Variants in TTLL5 observed in about 807,000 individuals in gnomAD.
TTLL5 encodes the protein tubulin polyglutamylase TTLL5.
Under a neutral mutation model 168.4 loss-of-function variants are expected in TTLL5, and 132 were observed. The ratio of observed to expected loss-of-function variants is 0.78; its 90% CI spans 0.68 to 0.91. TTLL5 has a LOEUF of 0.91. Ranked by LOEUF, TTLL5 falls within the 40% of genes least tolerant of loss-of-function variation. The pLI is 0.00. For synonymous variants in TTLL5, 546 were observed against 558.6 expected, an observed-to-expected ratio of 0.98 and a Z score of 0.32; for missense variants, 1,545 against 1,581.5, an observed-to-expected ratio of 0.98 and a Z score of 0.39.
intron 6 of TTLL5, among the ~76,000 whole-genome samples, chr14:75,698,799 G>A (rs757434068): frequency 1.3e-5 from 2 of 151,990 alleles, no homozygotes; most frequent in Non-Finnish European, 2.9e-5. Context: ...CATCAACTCA[G>A]AAGGCTGAGG....
At chr14:75,745,689 G>T in intron 17 of TTLL5, 108 bp downstream of exon 17, 1 of 844,118 alleles carries the variant, frequency 1.2e-6, no homozygotes, top group African/African-American at 1.8e-5. Flanking sequence ...TTCTTATTTT[G>T]TTTATTTATA....
chr14:75,865,258 T>C (rs1244385096), intron 29 of TTLL5, among the ~76,000 whole-genome samples: 1 of 147,626 alleles, frequency 6.8e-6, no homozygotes, highest in Non-Finnish European at 1.5e-5. Context: ...ATGTGTGTCT[T>C]AGTTGTTGTT....
chr14:75,857,626 C>T (rs1490072497), intron 28 of TTLL5, among the ~76,000 whole-genome samples: 2 of 145,456 alleles, frequency 1.4e-5, no homozygotes. Context: ...ATTATTTCTT[C>T]TTGTTTGATA....
At chr14:75,763,520 C>T (rs1465902769) in intron 18 of TTLL5, among the ~76,000 whole-genome samples, 1 of 152,106 alleles carries the variant, frequency 6.6e-6, no homozygotes, top group Non-Finnish European at 1.5e-5. Flanking sequence ...ACTGAAAACT[C>T]CCAGAGGAGT....
chr14:75,733,926 AG>A (rs1888720141), intron 13 of TTLL5, 62 bp from the exon 14 acceptor site: 1 of 1,510,998 alleles, frequency 6.6e-7, no homozygotes, highest in Admixed American at 1.7e-5. Context: ...GACCCATCAG[AG>A]GGCGGCTATT....
At chr14:75,946,967 T>G (rs534395659) in intron 31 of TTLL5, among the ~76,000 whole-genome samples, 1 of 152,310 alleles carries the variant, frequency 6.6e-6, no homozygotes, top group Admixed American at 6.5e-5. Context: ...GGAGCTGTCA[T>G]GTTGCACGAG....
chr14:75,720,051 A>G (rs1260038258), intron 11 of TTLL5, among the ~76,000 whole-genome samples: 2 of 152,140 alleles, frequency 1.3e-5, no homozygotes, highest in Non-Finnish European at 2.9e-5. Context: ...TTTTCCTTTT[A>G]ATCCTTAGTG....
chr14:75,739,363 C>T (rs979934757), intron 15 of TTLL5, among the ~76,000 whole-genome samples: 2 of 151,864 alleles, frequency 1.3e-5, no homozygotes, highest in African/African-American at 2.4e-5. Flanking sequence ...TTTCTGTTAA[C>T]GAAGCACTCT....
At chr14:75,936,805 C>T (rs1468020809) in intron 31 of TTLL5, among the ~76,000 whole-genome samples, 2 of 152,124 alleles carry the variant, frequency 1.3e-5, no homozygotes, top group Admixed American at 6.5e-5. Flanking sequence ...GCAGTAATAG[C>T]TTGGTTGGAA....
intron 3 of TTLL5, among the ~76,000 whole-genome samples, chr14:75,674,067 C>T (rs1047089374): frequency 3.9e-5 from 6 of 152,164 alleles, no homozygotes; most frequent in Non-Finnish European, 8.8e-5. Flanking sequence ...GAATACCTAA[C>T]ATTTATTGGA....
intron 2 of TTLL5, 125 bp downstream of exon 2, chr14:75,663,348 T>C: frequency 1.0e-6 from 1 of 953,302 alleles, no homozygotes; most frequent in Admixed American, 2.4e-5. Context: ...TGTCATTCCT[T>C]GGGGATTATC....
chr14:75,854,051 A>G (rs1257529495), intron 28 of TTLL5, among the ~76,000 whole-genome samples: 3 of 152,146 alleles, frequency 2.0e-5, no homozygotes, highest in African/African-American at 7.2e-5. Context: ...TCAAAAAAAA[A>G]AGAGAGAGAA....
chr14:75,840,359 T>A (rs1401428070), intron 28 of TTLL5, among the ~76,000 whole-genome samples: 1 of 152,204 alleles, frequency 6.6e-6, no homozygotes, highest in African/African-American at 2.4e-5. Context: ...AAGCCTTGCA[T>A]GCATTAGGTA....
chr14:75,905,951 T>C (rs2033129898), intron 31 of TTLL5, among the ~76,000 whole-genome samples: 2 of 152,174 alleles, frequency 1.3e-5, no homozygotes, highest in South Asian at 4.1e-4. Context: ...AAATCAATGA[T>C]GGATTTCATG....
At chr14:75,818,196 G>A (rs1413443738) in intron 27 of TTLL5, among the ~76,000 whole-genome samples, 1 of 151,894 alleles carries the variant, frequency 6.6e-6, no homozygotes, top group Admixed American at 6.6e-5. Flanking sequence ...ATCTGTATTT[G>A]CCATAACAAC....
At chr14:75,806,959 T>G (rs1893693198) in intron 27 of TTLL5, among the ~76,000 whole-genome samples, 1 of 152,176 alleles carries the variant, frequency 6.6e-6, no homozygotes, top group South Asian at 2.1e-4. Context: ...GCTCCTTCAT[T>G]CCTTCATTAC....
At chr14:75,943,461 A>C (rs138587988) in intron 31 of TTLL5, among the ~76,000 whole-genome samples, 2 of 152,166 alleles carry the variant, frequency 1.3e-5, no homozygotes, top group African/African-American at 4.8e-5. Context: ...GAGAAGGGGA[A>C]TCTCCCCTGG....
intron 9 of TTLL5, among the ~76,000 whole-genome samples, chr14:75,716,293 C>G (rs1008162614): frequency 1.3e-5 from 2 of 152,194 alleles, no homozygotes; most frequent in African/African-American, 2.4e-5. Flanking sequence ...TAATGCTCAT[C>G]AAACTCTTGT....
chr14:75,797,601 T>G lies in TTLL5; in HGVS notation c.3171+4501T>G, dbSNP rs115240486. 1.7e-3 allele frequency among the ~76,000 whole-genome samples: 254 copies of G among 152,216 alleles called. 1 individual carries two copies. Among genetic ancestry groups the G allele is most frequent in the African/African-American group, 5.8e-3 (240 of 41,560 alleles). ...AAGGTATGTCCATTTTATGCCAATT[T>G]TGTTGAGGGTTTTAATCATGAAGAG... On this transcript the variant is annotated intron_variant, in intron 27 of 31. Transcript: ENST00000298832.
Sources: gnomAD v4.1 joint callset for allele counts (sites outside exome capture counted in the v4.1 genomes callset) on GRCh38, gnomAD v4.1.1 for gene constraint, MANE v1.5 for transcripts, NCBI Gene and HGNC (gene_info 2026-07-23, HGNC 2026-07-21) for gene names.